Variants in SMARCAD1 observed in about 807,000 individuals in gnomAD.
The protein encoded by SMARCAD1 is SNF2 related chromatin remodeling ATPase with DExD box 1, also known as SWI/SNF-related matrix-associated actin-dependent regulator of chromatin subfamily A containing DEAD/H box 1.
A neutral mutation model predicts 127.1 loss-of-function variants in SMARCAD1; 25 were observed. The ratio of observed to expected loss-of-function variants is 0.20; its 90% CI spans 0.14 to 0.27. SMARCAD1 has a LOEUF of 0.27. SMARCAD1 is among the 10% of genes least tolerant of loss of function. SMARCAD1 has a pLI of 1.00. For synonymous variants in SMARCAD1, 400 were observed against 396.9 expected, an observed-to-expected ratio of 1.01 and a Z score of -0.09; for missense variants, 807 against 1,206.0, an observed-to-expected ratio of 0.67 and a Z score of 4.90.
intron 22 of SMARCAD1, among the ~76,000 whole-genome samples, chr4:94,284,509 A>G (rs936234863): frequency 2.7e-5 from 4 of 150,494 alleles, no homozygotes; most frequent in African/African-American, 7.3e-5. Context: ...AGCAATTCCC[A>G]TGCCTTAGCC....
intron 6 of SMARCAD1, among the ~76,000 whole-genome samples, chr4:94,244,766 A>C (rs1014319884): frequency 5.9e-5 from 9 of 152,056 alleles, no homozygotes; most frequent in South Asian, 4.1e-4. Context: ...AAAAAAAAAA[A>C]AAAACTTAAC....
At chr4:94,217,047 A>T (rs986064600) in intron 2 of SMARCAD1, among the ~76,000 whole-genome samples, 2 of 152,154 alleles carry the variant, frequency 1.3e-5, no homozygotes, top group Admixed American at 1.3e-4. Flanking sequence ...ATTTCTGCCA[A>T]CAGTGTGGTG....
intron 6 of SMARCAD1, among the ~76,000 whole-genome samples, chr4:94,246,600 G>C (rs13435702): frequency 6.6e-6 from 1 of 151,838 alleles, no homozygotes; most frequent in Non-Finnish European, 1.5e-5. Context: ...ACACTCCCAC[G>C]AAAGTGGTGG....
Position 94,291,193 on chromosome 4 carries a change from G to A in SMARCAD1, c.*1659G>A. 2.2e-6 allele frequency: 1 copy of A among 453,918 alleles called. No homozygotes were observed. The highest frequency in any genetic ancestry group is 1.6e-5 in the South Asian group (1 of 64,428). 28.1% of individuals were successfully genotyped at this position (453,918 alleles called of 1,614,324 possible). ...TTCTTTTTTTGTTGTTATTGTTGTT[G>A]TTGTTATATCCATACTTTTATCTCT... On this transcript the variant is annotated 3_prime_UTR_variant, in exon 24 of 24. Transcript: ENST00000354268.
intron 10 of SMARCAD1, among the ~76,000 whole-genome samples, chr4:94,267,127 G>A (rs1194999018): frequency 6.6e-6 from 1 of 152,034 alleles, no homozygotes. Context: ...AATCAAGTGT[G>A]TCTTGCCTTT....
At chr4:94,216,929 C>A (rs1743289418) in intron 2 of SMARCAD1, among the ~76,000 whole-genome samples, 1 of 152,150 alleles carries the variant, frequency 6.6e-6, no homozygotes, top group South Asian at 2.1e-4. Context: ...GCTTTCAGTT[C>A]TTTTGGTTGT....
intron 14 of SMARCAD1, 59 bp downstream of exon 14, chr4:94,275,024 G>C (rs1247188844): frequency 8.6e-7 from 1 of 1,163,728 alleles, no homozygotes; most frequent in African/African-American, 1.5e-5. Context: ...ATTTAAAAAA[G>C]AAATTGTAGT....
Position 94,277,031 on chromosome 4 carries a change from C to T in SMARCAD1, c.1954C>T (p.Arg652Cys). The T allele has an allele frequency of 6.2e-7, 1 of 1,613,954 alleles. No individual in the cohort carries two copies. Among genetic ancestry groups the T allele is most frequent in the Non-Finnish European group, 8.5e-7 (1 of 1,179,940 alleles). Reference sequence around the variant, plus strand: ...TTACCTTCATTCACAGGCAAATAACCGTTTGCTGCTCACAGGCACACCTGT... The same window carrying T: ...TTACCTTCATTCACAGGCAAATAACTGTTTGCTGCTCACAGGCACACCTGT... The part of the protein sequence containing the change: ...QHLMTINANN[R>C]LLLTGTPVQN... Residue 652 changes from arginine (R) to cysteine (C), a missense_variant, in exon 16 of 24, where the codon CGT (arginine) becomes TGT (cysteine). Arg to Cys is a radical substitution (Grantham distance 180). Transcript: ENST00000354268.
Position 94,285,151 on chromosome 4 carries a change from A to T in SMARCAD1, c.3019+82A>T, listed in dbSNP as rs1754750923. The T allele has an allele frequency of 7.7e-6, 7 of 908,732 alleles. No homozygotes were observed. In the East Asian group the frequency reaches 1.7e-4, roughly 22 times the overall value. The allele number at this position is 908,732 out of a possible 1,614,324, so 56.3% of individuals were successfully genotyped here. A position where few individuals can be genotyped will look rare whatever the true frequency, so the allele number is the denominator to read the frequency against. ...TAGTCAGTGCAAGAGGATGACAAAGATGGCTACCTTAACTAGCTTACAGTT... is the reference window on the plus strand; with the variant it reads ...TAGTCAGTGCAAGAGGATGACAAAGTTGGCTACCTTAACTAGCTTACAGTT... On this transcript the variant is annotated intron_variant, in intron 23 of 23. Coordinates refer to ENST00000354268, the MANE Select transcript of SMARCAD1 (RefSeq NM_020159.5).
At chr4:94,239,577 T>TTA (rs397699692) in intron 5 of SMARCAD1, among the ~76,000 whole-genome samples, 21 of 150,958 alleles carry the variant, frequency 1.4e-4, no homozygotes, top group South Asian at 8.4e-4. Context: ...TTTTTTTTTT[T>TTA]AATTTTTTAT....
rs1389247954 is a variant in SMARCAD1 at position 94,253,338 on chromosome 4, G to A, written c.1281+331G>A. The A allele has an allele frequency of 6.0e-6, 8 of 1,322,432 alleles. No individual in the cohort carries two copies. In the Admixed American group the frequency reaches 1.8e-4, roughly 30 times the overall value. 81.9% of individuals were successfully genotyped at this position (1,322,432 alleles called of 1,614,324 possible). A position where few individuals can be genotyped will look rare whatever the true frequency, so the allele number is the denominator to read the frequency against. Reference sequence around the variant, plus strand: ...TTAGGAAGGAGTTGTTTGCTAGCCTGTTCTGATCTGTTACTGCTGAGACAC... The same window carrying A: ...TTAGGAAGGAGTTGTTTGCTAGCCTATTCTGATCTGTTACTGCTGAGACAC... On this transcript the variant is annotated intron_variant, in intron 9 of 23. Transcript: ENST00000354268.
chr4:94,270,096 GTC>G (rs937904671), intron 10 of SMARCAD1, among the ~76,000 whole-genome samples: 25 of 151,346 alleles, frequency 1.7e-4, no homozygotes, highest in African/African-American at 5.3e-4. Context: ...GATGTTCACT[GTC>G]TTTTAGCATT....
chr4:94,263,446 T>G (rs765215230), intron 9 of SMARCAD1, among the ~76,000 whole-genome samples: 2 of 152,042 alleles, frequency 1.3e-5, no homozygotes, highest in Admixed American at 6.6e-5. Context: ...ATTTTGTCCC[T>G]GTGAAAAATA....
At position 94,208,002 on chromosome 4, in the gene SMARCAD1, C is replaced by G. The variant is rs1302597685; in HGVS notation, c.-118C>G. On this transcript the variant is annotated 5_prime_UTR_variant, in exon 1 of 24. Transcript: ENST00000354268. The stretch of plus-strand genomic sequence containing the variant: ...GCAGGGGGCACGGTAGCACAGGGAG[C>G]TTCTCTTTGTGGGCGGGCGCGAGGC... The G allele has an allele frequency of 2.3e-5, 9 of 397,954 alleles. No individual in the cohort carries two copies. Among genetic ancestry groups the G allele is most frequent in the African/African-American group, 1.9e-4 (9 of 48,280 alleles). The allele number at this position is 397,954 out of a possible 1,614,324, so 24.7% of individuals were successfully genotyped here.
chr4:94,234,349 G>A (rs552165825), intron 4 of SMARCAD1, among the ~76,000 whole-genome samples: 11 of 152,156 alleles, frequency 7.2e-5, no homozygotes, highest in Non-Finnish European at 1.6e-4. Context: ...AGCCTTAATA[G>A]CGAACATAGG....
chr4:94,276,104 A>G (rs984763362), intron 14 of SMARCAD1, among the ~76,000 whole-genome samples: 7 of 151,882 alleles, frequency 4.6e-5, no homozygotes, highest in Admixed American at 2.0e-4. Context: ...GCCTTTTAAC[A>G]TTTTCTTTCA....
chr4:94,270,429 T>C (rs1752393887), intron 10 of SMARCAD1: 1 of 297,312 alleles, frequency 3.4e-6, no homozygotes, highest in Non-Finnish European at 6.5e-6. Context: ...AGTATTAATA[T>C]TATCATAGTT....
chr4:94,275,858 G>A (rs1363961604), intron 14 of SMARCAD1, among the ~76,000 whole-genome samples: 3 of 139,618 alleles, frequency 2.1e-5, no homozygotes, highest in South Asian at 2.2e-4. Context: ...GTGCAGTGGC[G>A]CGATCTCAGC....
rs367775203 is a variant in SMARCAD1 at position 94,289,554 on chromosome 4, C to A, written c.*20C>A. On this transcript the variant is annotated 3_prime_UTR_variant, in exon 24 of 24. Coordinates refer to ENST00000354268, the MANE Select transcript of SMARCAD1 (RefSeq NM_020159.5). ...CTGTGAAATAAGAACTGTGAACTCTCAATTGATGAGGAAATATCAACTTGG... is the reference window on the plus strand; with the variant it reads ...CTGTGAAATAAGAACTGTGAACTCTAAATTGATGAGGAAATATCAACTTGG... The A allele has an allele frequency of 1.9e-5, 31 of 1,593,898 alleles. No individual in the cohort carries two copies. Among genetic ancestry groups the A allele is most frequent in the Admixed American group, 5.0e-5 (3 of 59,954 alleles).
Sources: gnomAD v4.1 joint callset for allele counts (sites outside exome capture counted in the v4.1 genomes callset) on GRCh38, gnomAD v4.1.1 for gene constraint, MANE v1.5 for transcripts, NCBI Gene and HGNC (gene_info 2026-07-23, HGNC 2026-07-21) for gene names.